FERRY3: variants seen among roughly 807,000 people sequenced by gnomAD.
FERRY3 encodes protein C12orf4.
the FERRY3 span, among the ~76,000 whole-genome samples, chr12:4,509,864 G>A: frequency 7.2e-6 from 1 of 139,508 alleles, no homozygotes; most frequent in Non-Finnish European, 1.5e-5. Flanking sequence ...AAGGAACGCA[G>A]TTCCTCACCA....
the FERRY3 span, among the ~76,000 whole-genome samples, chr12:4,493,895 C>T: frequency 6.6e-6 from 1 of 152,084 alleles, no homozygotes; most frequent in African/African-American, 2.4e-5. Context: ...AAGTTCGAGA[C>T]CAGCCTGGCC....
the FERRY3 span, among the ~76,000 whole-genome samples, chr12:4,529,284 C>A: frequency 2.8e-4 from 43 of 152,188 alleles, no homozygotes; most frequent in East Asian, 8.1e-3. Flanking sequence ...ATTACAATTT[C>A]TTGGAACAAT....
the FERRY3 span, among the ~76,000 whole-genome samples, chr12:4,509,593 G>GACCCCTA: frequency 6.8e-6 from 1 of 146,728 alleles, no homozygotes. Context: ...CCTGACCCCT[G>GACCCCTA]ACCCCCGAGC....
chr12:4,530,163 CTT>C, the FERRY3 span: 832 of 869,660 alleles, frequency 9.6e-4, 1 homozygote, highest in Non-Finnish European at 1.3e-3. Flanking sequence ...GAAAGACCCT[CTT>C]ATATATATAT....
chr12:4,491,781 C>T, the FERRY3 span, among the ~76,000 whole-genome samples: 19 of 152,122 alleles, frequency 1.2e-4, 1 homozygote, highest in Non-Finnish European at 7.4e-5. Context: ...ATGATTAGCG[C>T]GTATGCCATT....
At chr12:4,498,383 C>T in the FERRY3 span, among the ~76,000 whole-genome samples, 1 of 152,112 alleles carries the variant, frequency 6.6e-6, no homozygotes, top group African/African-American at 2.4e-5. Context: ...TTAACAATAG[C>T]TAAAAATTCC....
chr12:4,499,654 A>G, the FERRY3 span, among the ~76,000 whole-genome samples: 1 of 152,214 alleles, frequency 6.6e-6, no homozygotes, highest in Non-Finnish European at 1.5e-5. Flanking sequence ...ATGTTAAACT[A>G]AGGCTGGCTT....
the FERRY3 span, chr12:4,529,975 G>A: frequency 1.9e-6 from 3 of 1,613,484 alleles, no homozygotes; most frequent in Admixed American, 3.3e-5. Flanking sequence ...GCAGGAGAAT[G>A]AATTAAGTCA....
the FERRY3 span, among the ~76,000 whole-genome samples, chr12:4,521,946 T>C: frequency 4.0e-3 from 616 of 152,352 alleles, 3 homozygotes; most frequent in African/African-American, 0.014. Flanking sequence ...CAGAGGATTT[T>C]TGAGTAACAA....
the FERRY3 span, among the ~76,000 whole-genome samples, chr12:4,528,908 C>G: frequency 7.9e-6 from 1 of 126,900 alleles, no homozygotes; most frequent in Admixed American, 7.2e-5. Context: ...CACACACACA[C>G]ACACACACAC....
chr12:4,518,248 C>T, the FERRY3 span: 162,594 of 1,613,522 alleles, frequency 0.1, 9,345 homozygotes, highest in Non-Finnish European at 0.12. Context: ...TGGTCTTCAA[C>T]TGGGCTCCTG....
chr12:4,507,197 A>C, the FERRY3 span, among the ~76,000 whole-genome samples: 1 of 152,298 alleles, frequency 6.6e-6, no homozygotes, highest in Non-Finnish European at 1.5e-5. Flanking sequence ...AATAAGGTTA[A>C]AATGTTTCTG....
the FERRY3 span, chr12:4,518,877 C>T: frequency 1.9e-6 from 3 of 1,559,856 alleles, no homozygotes; most frequent in Admixed American, 1.9e-5. Context: ...CTTTAATTTC[C>T]TCACTAAAAG....
At chr12:4,508,184 G>A in the FERRY3 span, among the ~76,000 whole-genome samples, 100 of 152,282 alleles carry the variant, frequency 6.6e-4, no homozygotes, top group Non-Finnish European at 1.2e-3. Flanking sequence ...TGGGAGAGAG[G>A]AAGATGGGAG....
the FERRY3 span, chr12:4,518,059 T>G: frequency 1.2e-6 from 2 of 1,600,404 alleles, no homozygotes; most frequent in Middle Eastern, 1.7e-4. Flanking sequence ...TTAACTTACC[T>G]CTTTTAATAC....
chr12:4,494,095 A>AAAAT, the FERRY3 span, among the ~76,000 whole-genome samples: 19 of 152,288 alleles, frequency 1.2e-4, no homozygotes, highest in Middle Eastern at 3.4e-3. Context: ...TCCGTCTCAA[A>AAAAT]AAATAAATAA....
the FERRY3 span, among the ~76,000 whole-genome samples, chr12:4,512,454 C>T: frequency 6.6e-6 from 1 of 152,274 alleles, no homozygotes; most frequent in Admixed American, 6.5e-5. Flanking sequence ...AAATTTTAGA[C>T]CAATATCCTT....
chr12:4,531,675 G>T, the FERRY3 span, among the ~76,000 whole-genome samples: 1 of 152,150 alleles, frequency 6.6e-6, no homozygotes. Flanking sequence ...CCACTTTCAG[G>T]CATAACGCCT....
At chr12:4,536,982 C>G in the FERRY3 span, among the ~76,000 whole-genome samples, 1 of 152,188 alleles carries the variant, frequency 6.6e-6, no homozygotes, top group African/African-American at 2.4e-5. Flanking sequence ...TGTTCATCCG[C>G]TTAAAAACTT....
Sources: gnomAD v4.1 joint callset for allele counts (sites outside exome capture counted in the v4.1 genomes callset) on GRCh38, gnomAD v4.1.1 for gene constraint, MANE v1.5 for transcripts, NCBI Gene and HGNC (gene_info 2026-07-23, HGNC 2026-07-21) for gene names.